Variants in RBFOX1 observed in about 807,000 individuals in gnomAD.
RBFOX1 encodes RNA binding fox-1 homolog 1.
A neutral mutation model predicts 57.7 loss-of-function variants in RBFOX1; 8 were observed. The ratio of observed to expected loss-of-function variants is 0.14; its 90% CI spans 0.08 to 0.25. RBFOX1 has a LOEUF of 0.25. Ranked by LOEUF, RBFOX1 falls within the 10% of genes least tolerant of loss-of-function variation. RBFOX1 has a pLI of 1.00. For synonymous variants in RBFOX1, 326 were observed against 222.4 expected (o/e 1.47, Z -4.15); for missense variants, 611 against 548.5 (o/e 1.11, Z -1.14).
intron 2 of RBFOX1, among the ~76,000 whole-genome samples, chr16:6,386,179 C>T (rs1232838129): frequency 1.3e-5 from 2 of 152,172 alleles, no homozygotes; most frequent in Non-Finnish European, 2.9e-5. Context: ...TCGTGATCCG[C>T]CCGTCTCGGC....
intron 3 of RBFOX1, among the ~76,000 whole-genome samples, chr16:6,832,670 A>G (rs1251457647): frequency 6.6e-6 from 1 of 152,060 alleles, no homozygotes. Flanking sequence ...TTCAGTAATT[A>G]CTTTACCCAC....
At chr16:6,282,210 A>G (rs981147427) in intron 1 of RBFOX1, among the ~76,000 whole-genome samples, 2 of 152,114 alleles carry the variant, frequency 1.3e-5, no homozygotes, top group South Asian at 4.1e-4. Context: ...AGCATGCTTG[A>G]TCTCTGAGAC....
At chr16:6,858,750 A>C (rs1370778798) in intron 3 of RBFOX1, among the ~76,000 whole-genome samples, 2 of 152,154 alleles carry the variant, frequency 1.3e-5, no homozygotes, top group African/African-American at 2.4e-5. Context: ...TATACCAAAA[A>C]CACATCTTTA....
intron 1 of RBFOX1, among the ~76,000 whole-genome samples, chr16:5,290,076 C>T (rs183439705): frequency 6.6e-5 from 10 of 152,294 alleles, no homozygotes; most frequent in East Asian, 5.8e-4. Context: ...TGCTACAACA[C>T]GGATGAACCA....
At chr16:7,479,217 G>A (rs1015346537) in intron 4 of RBFOX1, among the ~76,000 whole-genome samples, 2 of 150,032 alleles carry the variant, frequency 1.3e-5, no homozygotes, top group South Asian at 2.2e-4. Flanking sequence ...TCTGCCTCCC[G>A]AGTTGAGGCA....
chr16:6,260,321 C>T (rs2097694080), intron 1 of RBFOX1, among the ~76,000 whole-genome samples: 1 of 152,158 alleles, frequency 6.6e-6, no homozygotes, highest in Non-Finnish European at 1.5e-5. Context: ...CTGCCTGTCT[C>T]TGCTGAGTAC....
intron 3 of RBFOX1, among the ~76,000 whole-genome samples, chr16:6,905,336 C>A (rs867672841): frequency 6.6e-6 from 1 of 151,968 alleles, no homozygotes; most frequent in African/African-American, 2.4e-5. Context: ...GGTGGATCCC[C>A]TGAGGTTGGG....
intron 3 of RBFOX1, among the ~76,000 whole-genome samples, chr16:6,703,307 G>T (rs1177715098): frequency 6.6e-6 from 1 of 152,024 alleles, no homozygotes; most frequent in Non-Finnish European, 1.5e-5. Context: ...GGGAGTGGTA[G>T]CTTACACCTG....
chr16:6,075,524 C>G (rs998769866), intron 1 of RBFOX1, among the ~76,000 whole-genome samples: 2 of 152,178 alleles, frequency 1.3e-5, no homozygotes, highest in Non-Finnish European at 2.9e-5. Flanking sequence ...AGAACACAAT[C>G]TGTTGTTTCT....
intron 4 of RBFOX1, among the ~76,000 whole-genome samples, chr16:7,495,092 A>T (rs1191211926): frequency 2.6e-5 from 4 of 152,114 alleles, no homozygotes; most frequent in Non-Finnish European, 4.4e-5. Context: ...TTCCTGCATT[A>T]ATTCAGTTAA....
chr16:5,330,902 G>T (rs1596541774), intron 1 of RBFOX1, among the ~76,000 whole-genome samples: 1 of 151,974 alleles, frequency 6.6e-6, no homozygotes, highest in South Asian at 2.1e-4. Context: ...AGGTTTTTTT[G>T]TTTGTTTGTT....
chr16:7,394,388 G>A (rs753624534), intron 4 of RBFOX1, among the ~76,000 whole-genome samples: 7 of 151,658 alleles, frequency 4.6e-5, no homozygotes, highest in Non-Finnish European at 1.0e-4. Context: ...AGTCCCTTCT[G>A]TCTCCTTAGT....
rs183785785 is a variant in RBFOX1, at chr16:6,873,361, G to A, written c.-15-178696G>A. On this transcript the variant is annotated intron_variant, in intron 3 of 15. Coordinates refer to ENST00000550418, the MANE Select transcript of RBFOX1 (RefSeq NM_018723.4). ...GCAAAATCATTAGAGACATGATTAT[G>A]CTTTAATTTAGGTCTTTGAGTTATG... Among the ~76,000 whole-genome samples, 48 of 152,240 alleles carry A rather than the reference G, an allele frequency of 3.2e-4. No individual in the cohort carries two copies. The East Asian group carries it at 7.7e-3, about 25-fold the overall frequency.
intron 3 of RBFOX1, among the ~76,000 whole-genome samples, chr16:5,767,517 A>G (rs925603278): frequency 6.6e-6 from 1 of 152,158 alleles, no homozygotes; most frequent in African/African-American, 2.4e-5. Context: ...GCCCCTGTGC[A>G]GACATCACAC....
At position 6,597,470 on chromosome 16, in the gene RBFOX1, G is replaced by A. The variant is rs76865318; in HGVS notation, c.-63-57133G>A. Among the ~76,000 whole-genome samples the A allele has an allele frequency of 4.4e-4, 67 of 152,132 alleles. 2 individuals carry two copies. The East Asian group carries it at 0.012, about 28-fold the overall frequency. On this transcript the variant is annotated intron_variant, in intron 2 of 15. Transcript: ENST00000550418. ...GGGCGGATCACAAGGTCAGGAGTTT[G>A]AGACCACCCTGACCAACATGGTGAA...
intron 4 of RBFOX1, among the ~76,000 whole-genome samples, chr16:7,480,976 T>G (rs114405814): frequency 6.6e-6 from 1 of 152,178 alleles, no homozygotes; most frequent in African/African-American, 2.4e-5. Flanking sequence ...CCACAGCTTA[T>G]AGGGCTGCTA....
intron 2 of RBFOX1, among the ~76,000 whole-genome samples, chr16:6,516,682 A>G (rs2096385400): frequency 2.0e-5 from 3 of 152,204 alleles, no homozygotes; most frequent in Admixed American, 2.0e-4. Context: ...CAGTAACATC[A>G]CCAATTATTC....
chr16:5,289,930 T>C (rs906921110), intron 1 of RBFOX1, among the ~76,000 whole-genome samples: 8 of 152,224 alleles, frequency 5.3e-5, no homozygotes, highest in African/African-American at 1.7e-4. Flanking sequence ...CAAATGCTCA[T>C]AGCAGCGTTA....
intron 10 of RBFOX1, among the ~76,000 whole-genome samples, chr16:7,611,208 C>A (rs760320071): frequency 8.8e-4 from 134 of 152,298 alleles, no homozygotes; most frequent in Admixed American, 8.5e-4. Flanking sequence ...AAATTAAAAT[C>A]AATATTTTCA....
Sources: allele counts gnomAD v4.1 joint callset (sites outside exome capture counted in the v4.1 genomes callset), GRCh38; gene constraint gnomAD v4.1.1; transcripts MANE v1.5; gene names NCBI Gene and HGNC (gene_info 2026-07-23, HGNC 2026-07-21).